The following FCHSD2 variants were observed in gnomAD, a reference collection of about 807,000 sequenced individuals.
FCHSD2 encodes F-BAR and double SH3 domains protein 2.
Under a neutral mutation model 108.1 loss-of-function variants are expected in FCHSD2, and 38 were observed. The ratio of observed to expected loss-of-function variants is 0.35; its 90% CI spans 0.27 to 0.46. The LOEUF is 0.46. Among genes scored for constraint, FCHSD2 ranks in the 20% least tolerant of loss-of-function variants. FCHSD2 has a pLI of 1.00. For missense variants in FCHSD2, 751 were observed against 897.8 expected (o/e 0.84, Z 2.09); for synonymous variants, 279 against 314.7 (o/e 0.89, Z 1.20).
At chr11:73,056,263 G>A (rs932161123) in intron 3 of FCHSD2, among the ~76,000 whole-genome samples, 7 of 152,068 alleles carry the variant, frequency 4.6e-5, no homozygotes. Context: ...CCAAGGTAGG[G>A]GTCCTGTGCA....
chr11:72,841,634 G>C, intron 17 of FCHSD2, 51 bp from the exon 18 acceptor site: 1 of 1,521,062 alleles, frequency 6.6e-7, no homozygotes, highest in South Asian at 1.3e-5. Context: ...AGGAAGGAGA[G>C]CCTGGCTGCT....
chr11:72,892,100 C>T (rs985440998), intron 10 of FCHSD2, among the ~76,000 whole-genome samples: 1 of 152,160 alleles, frequency 6.6e-6, no homozygotes, highest in Non-Finnish European at 1.5e-5. Context: ...AGAAAGGAGG[C>T]AACTGATAGA....
At chr11:72,900,220 TCCCATCCCTCCCGCCCTTG>T in intron 10 of FCHSD2, 3 of 886,388 alleles carry the variant, frequency 3.4e-6, no homozygotes, top group Non-Finnish European at 5.5e-6. Context: ...AACCCACACT[TCCCATCCCTCCCGCCCTTG>T]ACCCACACCC....
chr11:73,080,059 G>A (rs1859644710), intron 3 of FCHSD2, among the ~76,000 whole-genome samples: 1 of 152,078 alleles, frequency 6.6e-6, no homozygotes, highest in South Asian at 2.1e-4. Flanking sequence ...AGTGCTTTGA[G>A]AGGCTGAGAC....
chr11:73,063,882 G>T (rs1034133886), intron 3 of FCHSD2, among the ~76,000 whole-genome samples: 6 of 152,068 alleles, frequency 3.9e-5, no homozygotes, highest in African/African-American at 1.4e-4. Context: ...ACAGATTAAT[G>T]AGACAGAAAA....
At chr11:72,967,685 GAT>G (rs1210142126) in intron 8 of FCHSD2, among the ~76,000 whole-genome samples, 2 of 152,208 alleles carry the variant, frequency 1.3e-5, no homozygotes, top group Non-Finnish European at 2.9e-5. Context: ...TCTGGAATGA[GAT>G]AGTGGTGATG....
intron 8 of FCHSD2, among the ~76,000 whole-genome samples, chr11:72,953,404 C>T (rs1452412388): frequency 1.3e-5 from 2 of 152,072 alleles, no homozygotes; most frequent in Admixed American, 6.6e-5. Context: ...AAAATAAATT[C>T]TCTCTCTTAA....
At position 72,849,769 on chromosome 11, in the gene FCHSD2, CA is replaced by C; in HGVS notation, c.1428del (p.Val477PhefsTer12). The C allele has an allele frequency of 6.2e-7, 1 of 1,611,108 alleles. No homozygotes were observed. Among genetic ancestry groups the C allele is most frequent in the Non-Finnish European group, 8.5e-7 (1 of 1,178,202 alleles). On this transcript the variant is annotated frameshift_variant, in exon 14 of 20. Transcript: ENST00000409418. LOFTEE classifies it high-confidence loss of function. Reference protein sequence around the residue: ...TLRNYPLTCKVVYSYKASQPD... With the variant: ...TLRNYPLTCKXVYSYKASQPD... ...GAAATACAAACCTTGTAGGAATAAACAACTTTGCAGGTGAGTGGATAATTTC... is the reference window on the plus strand; with the variant it reads ...GAAATACAAACCTTGTAGGAATAAACACTTTGCAGGTGAGTGGATAATTTC...
intron 3 of FCHSD2, among the ~76,000 whole-genome samples, chr11:73,035,740 G>A (rs1184222629): frequency 8.4e-6 from 1 of 118,520 alleles, no homozygotes; most frequent in South Asian, 2.4e-4. Context: ...TTATTTATTT[G>A]AGATGGAGTC....
chr11:72,907,036 C>T lies in FCHSD2; in HGVS notation c.829-4398G>A, dbSNP rs150302160. On this transcript the variant is annotated intron_variant, in intron 9 of 19. Coordinates refer to ENST00000409418, the MANE Select transcript of FCHSD2 (RefSeq NM_014824.3). Reference sequence around the variant, plus strand: ...GGCAGTATGGCCATTTGTTTGCGTCCTCTTTTATTTCGTTGAGCCCTTCAC... The same window carrying T: ...GGCAGTATGGCCATTTGTTTGCGTCTTCTTTTATTTCGTTGAGCCCTTCAC... 7.2e-3 allele frequency among the ~76,000 whole-genome samples: 1,088 copies of T among 151,910 alleles called. 5 individuals are homozygous for T. Among genetic ancestry groups the T allele is most frequent in the Non-Finnish European group, 0.011 (762 of 67,846 alleles).
At chr11:72,864,191 G>C (rs779039899) in intron 13 of FCHSD2, among the ~76,000 whole-genome samples, 2 of 152,196 alleles carry the variant, frequency 1.3e-5, no homozygotes, top group East Asian at 3.8e-4. Flanking sequence ...TGTTAACATT[G>C]TGGGCTATAG....
intron 3 of FCHSD2, among the ~76,000 whole-genome samples, chr11:73,044,439 G>C (rs1049693208): frequency 6.6e-6 from 1 of 152,006 alleles, no homozygotes; most frequent in Non-Finnish European, 1.5e-5. Context: ...AATTAGATGG[G>C]CATGGTGGCA....
chr11:72,883,799 G>T (rs1855138080), intron 12 of FCHSD2, among the ~76,000 whole-genome samples: 1 of 152,070 alleles, frequency 6.6e-6, no homozygotes, highest in South Asian at 2.1e-4. Flanking sequence ...AGGCATGGTG[G>T]AGTGCGCCTG....
intron 2 of FCHSD2, among the ~76,000 whole-genome samples, chr11:73,111,018 T>C (rs989838481): frequency 4.6e-5 from 7 of 152,344 alleles, no homozygotes; most frequent in East Asian, 3.9e-4. Flanking sequence ...TTTTATTCCA[T>C]TGTGATCAGA....
chr11:72,865,861 C>T (rs1376954628), intron 13 of FCHSD2, among the ~76,000 whole-genome samples: 1 of 152,150 alleles, frequency 6.6e-6, no homozygotes, highest in Non-Finnish European at 1.5e-5. Flanking sequence ...AAGTGTGCTA[C>T]ACAGTAGTCC....
intron 3 of FCHSD2, among the ~76,000 whole-genome samples, chr11:73,064,309 C>T (rs962597154): frequency 1.3e-5 from 2 of 152,098 alleles, no homozygotes; most frequent in African/African-American, 4.8e-5. Context: ...AAATTTATAG[C>T]ACTAAATGCC....
In FCHSD2 at chr11:72,843,280, G is replaced by T. The variant is rs766473899; in HGVS notation, c.1576C>A (p.Gln526Lys). 4 of 1,613,892 alleles carry T rather than the reference G, an allele frequency of 2.5e-6. No individual in the cohort carries two copies. In the African/African-American group the frequency reaches 5.3e-5, roughly 22 times the overall value. ...QVGYVPEKYL[Q>K]FPTSNSLLSM... Reference sequence around the variant, plus strand: ...AGGAGGCTGTTCGAGGTGGGAAACTGTAGGTACTTTTCTGGCACATAACCC... The same window carrying T: ...AGGAGGCTGTTCGAGGTGGGAAACTTTAGGTACTTTTCTGGCACATAACCC... The change falls in exon 16 of 20, where the codon CAG becomes AAG. Residue 526 changes from glutamine (Q) to lysine (K), a missense_variant. Coordinates refer to ENST00000409418, the MANE Select transcript of FCHSD2 (RefSeq NM_014824.3).
intron 2 of FCHSD2, among the ~76,000 whole-genome samples, chr11:73,104,571 T>C (rs1860296460): frequency 6.6e-6 from 1 of 151,242 alleles, no homozygotes; most frequent in Non-Finnish European, 1.5e-5. Flanking sequence ...AAAACTTTAC[T>C]TACTTATTTA....
chr11:72,955,880 T>C (rs1591433080), intron 8 of FCHSD2, among the ~76,000 whole-genome samples: 1 of 152,320 alleles, frequency 6.6e-6, no homozygotes, highest in East Asian at 1.9e-4. Context: ...TTACAGTGCA[T>C]ACATACATAT....
Sources: allele counts gnomAD v4.1 joint callset (sites outside exome capture counted in the v4.1 genomes callset), GRCh38; gene constraint gnomAD v4.1.1; transcripts MANE v1.5; gene names NCBI Gene and HGNC (gene_info 2026-07-23, HGNC 2026-07-21).